The following PTPN4 variants were observed in gnomAD, a reference collection of about 807,000 sequenced individuals.
PTPN4 encodes protein tyrosine phosphatase non-receptor type 4.
Under a neutral mutation model 135.5 loss-of-function variants are expected in PTPN4, and 49 were observed. The observed-to-expected ratio is 0.36, with a 90% confidence interval of 0.29 to 0.46. The LOEUF (loss-of-function observed/expected upper bound fraction) is 0.46. PTPN4 is among the 20% of genes least tolerant of loss of function. PTPN4 has a pLI of 1.00. For synonymous variants in PTPN4, 333 were observed against 369.9 expected (o/e 0.90, Z 1.14); for missense variants, 860 against 1,101.0 (o/e 0.78, Z 3.10).
rs1392890900 is a variant in PTPN4 at position 119,982,348 on chromosome 2, TTCAAATGTCATTAGAATTATGGCTTGA to T, written c.*5280_*5306del. 1 of 152,208 alleles carries T rather than the reference TTCAAATGTCATTAGAATTATGGCTTGA, an allele frequency of 6.6e-6. No homozygotes were observed. Among genetic ancestry groups the T allele is most frequent in the African/African-American group, 2.4e-5 (1 of 41,472 alleles). 9.4% of individuals were successfully genotyped at this position (152,208 alleles called of 1,614,324 possible). ...TGCTGTAAAGAAAATGAATGTATCT[TTCAAATGTCATTAGAATTATGGCTTGA>T]TTCTAAGGATACTCTATTTGTTTTA... On this transcript the variant is annotated 3_prime_UTR_variant, in exon 27 of 27. Transcript: ENST00000263708.
rs1435440295 is a variant in PTPN4 at position 119,882,575 on chromosome 2, A to C, written c.539A>C (p.Gln180Pro). The C allele has an allele frequency of 3.2e-6, 5 of 1,564,642 alleles. No homozygotes were observed. The highest frequency in any genetic ancestry group is 2.3e-5 in the East Asian group (1 of 43,854). ...YLSDYSFIPN[Q>P]PQDFEKEIAK... is the part of the protein sequence containing the mutation. Reference sequence around the variant, plus strand: ...TCAGATTATTCTTTCATTCCTAATCAACCTCAAGATTTTGAAAAAGAAATT... The same window carrying C: ...TCAGATTATTCTTTCATTCCTAATCCACCTCAAGATTTTGAAAAAGAAATT... Residue 180 changes from glutamine (Q) to proline (P), a missense_variant, in exon 8 of 27, where the codon CAA (glutamine) becomes CCA (proline). This residue lies in a region of PTPN4 where 684 missense variants were observed against 807.0 expected (regional missense o/e 0.85). Coordinates refer to ENST00000263708, the MANE Select transcript of PTPN4 (RefSeq NM_002830.4).
chr2:119,951,962 T>G lies in PTPN4; in HGVS notation c.1657-11T>G. ...ATGCCAATCTGAAACCTTATCTATA[T>G]TATATTACAGGCTGACCTCTGTGTC... On this transcript the variant is annotated splice_polypyrimidine_tract_variant and intron_variant, in intron 18 of 26. Coordinates refer to ENST00000263708, the MANE Select transcript of PTPN4 (RefSeq NM_002830.4). 1 of 1,593,094 alleles carries G rather than the reference T, an allele frequency of 6.3e-7. No individual in the cohort carries two copies. Among genetic ancestry groups the G allele is most frequent in the Non-Finnish European group, 8.5e-7 (1 of 1,170,252 alleles).
At chr2:119,888,741 T>A (rs181728398) in intron 9 of PTPN4, among the ~76,000 whole-genome samples, 2 of 152,316 alleles carry the variant, frequency 1.3e-5, no homozygotes, top group African/African-American at 4.8e-5. Context: ...AGTACTTTGT[T>A]CAAGATGTTG....
chr2:119,835,853 AG>A (rs1283453386), intron 2 of PTPN4, among the ~76,000 whole-genome samples: 1 of 152,084 alleles, frequency 6.6e-6, no homozygotes, highest in Non-Finnish European at 1.5e-5. Flanking sequence ...GTGGATCACG[AG>A]GTCAAGAGAT....
chr2:119,877,579 C>A, intron 5 of PTPN4, 37 bp downstream of exon 5: 1 of 1,552,638 alleles, frequency 6.4e-7, no homozygotes, highest in South Asian at 1.2e-5. Flanking sequence ...AAAATATTGT[C>A]AAAACTCTAA....
chr2:119,851,251 C>T (rs1226319262), intron 2 of PTPN4, among the ~76,000 whole-genome samples: 1 of 152,180 alleles, frequency 6.6e-6, no homozygotes, highest in Admixed American at 6.5e-5. Flanking sequence ...TGAATCCTTA[C>T]AGGTCTGCAG....
chr2:119,876,941 G>GCA (rs66474325), intron 3 of PTPN4, among the ~76,000 whole-genome samples: 2 of 141,888 alleles, frequency 1.4e-5, no homozygotes, highest in Admixed American at 6.9e-5. Flanking sequence ...GTGTGTGTGT[G>GCA]CGTGAAGGGT....
At chr2:119,862,466 C>T in intron 2 of PTPN4, 70 bp from the exon 3 acceptor site, 1 of 1,407,522 alleles carries the variant, frequency 7.1e-7, no homozygotes, top group South Asian at 1.2e-5. Context: ...CAAAAGTCAA[C>T]CAGGTTAAAA....
At chr2:119,796,061 C>T (rs184507661) in intron 1 of PTPN4, among the ~76,000 whole-genome samples, 2 of 152,278 alleles carry the variant, frequency 1.3e-5, no homozygotes, top group African/African-American at 4.8e-5. Flanking sequence ...AGGCTTCGGG[C>T]CTGGAAATGG....
chr2:119,858,398 G>A (rs1318626030), intron 2 of PTPN4, among the ~76,000 whole-genome samples: 2 of 152,080 alleles, frequency 1.3e-5, no homozygotes, highest in Non-Finnish European at 2.9e-5. Context: ...TTATAAGGTA[G>A]ATTTATTTTG....
At chr2:119,869,999 C>G (rs1355034130) in intron 3 of PTPN4, among the ~76,000 whole-genome samples, 2 of 152,152 alleles carry the variant, frequency 1.3e-5, no homozygotes, top group East Asian at 3.9e-4. Context: ...CCTCTTTTCC[C>G]CATTTCTAAT....
rs758567020 is a variant in PTPN4, at chr2:119,967,921, A to G, written c.2643A>G (p.Leu881=). 22 of 1,610,786 alleles carry G rather than the reference A, an allele frequency of 1.4e-5. No individual in the cohort carries two copies. Among genetic ancestry groups the G allele is most frequent in the Admixed American group, 5.0e-5 (3 of 59,950 alleles). ...AATGCAATCAGCCAGTTTATCCACT[A>G]GATATTGTAAGAACAATGAGAGATC... ...LIECNQPVYP[L]DIVRTMRDQR... The change falls in exon 26 of 27, where the codon CTA becomes CTG. Residue 881 remains leucine (L), a synonymous_variant. Transcript: ENST00000263708.
chr2:119,917,520 G>C (rs1678671266), intron 11 of PTPN4, among the ~76,000 whole-genome samples: 1 of 152,046 alleles, frequency 6.6e-6, no homozygotes. Flanking sequence ...GATTGCTTTA[G>C]GCCTGGAGTT....
Position 119,981,388 on chromosome 2 carries a change from C to G in PTPN4, c.*4318C>G, listed in dbSNP as rs1456831398. On this transcript the variant is annotated 3_prime_UTR_variant, in exon 27 of 27. Coordinates refer to ENST00000263708, the MANE Select transcript of PTPN4 (RefSeq NM_002830.4). ...TCTGACTACAATTGCTGGAATCATTCTTTTTGTGGTGCTTCCTCCAAGTGA... is the reference window on the plus strand; with the variant it reads ...TCTGACTACAATTGCTGGAATCATTGTTTTTGTGGTGCTTCCTCCAAGTGA... 1 of 152,014 alleles carries G rather than the reference C, an allele frequency of 6.6e-6. No homozygotes were observed. Among genetic ancestry groups the G allele is most frequent in the African/African-American group, 2.4e-5 (1 of 41,438 alleles). The allele number at this position is 152,014 out of a possible 1,614,324, so 9.4% of individuals were successfully genotyped here.
intron 19 of PTPN4, among the ~76,000 whole-genome samples, chr2:119,954,146 C>G (rs887039565): frequency 6.6e-6 from 1 of 152,064 alleles, no homozygotes; most frequent in Non-Finnish European, 1.5e-5. Flanking sequence ...TGTTGTCATA[C>G]CTTTTTGTCT....
intron 13 of PTPN4, 112 bp from the exon 14 acceptor site, chr2:119,932,312 C>T: frequency 9.2e-7 from 1 of 1,087,670 alleles, no homozygotes; most frequent in Non-Finnish European, 1.3e-6. Flanking sequence ...CAAGTAAACT[C>T]TTTATGTTGC....
intron 2 of PTPN4, among the ~76,000 whole-genome samples, chr2:119,858,735 C>T (rs865944410): frequency 4.0e-5 from 6 of 151,868 alleles, no homozygotes; most frequent in South Asian, 2.1e-4. Flanking sequence ...CAGGTTCAAG[C>T]GGTTCTCCTG....
At chr2:119,924,313 AT>A (rs1178315088) in intron 12 of PTPN4, among the ~76,000 whole-genome samples, 2 of 151,842 alleles carry the variant, frequency 1.3e-5, no homozygotes, top group Non-Finnish European at 2.9e-5. Context: ...AACCAGTTTA[AT>A]TTTTTTCGTT....
chr2:119,868,710 A>G (rs1031660097), intron 3 of PTPN4, among the ~76,000 whole-genome samples: 4 of 152,114 alleles, frequency 2.6e-5, no homozygotes, highest in Admixed American at 1.3e-4. Flanking sequence ...AACTAACCCA[A>G]CCTATTCCTT....
Sources: allele counts gnomAD v4.1 joint callset (sites outside exome capture counted in the v4.1 genomes callset), GRCh38; gene constraint gnomAD v4.1.1; regional missense constraint gnomAD v4.1.1; transcripts MANE v1.5; gene names NCBI Gene and HGNC (gene_info 2026-07-23, HGNC 2026-07-21).